Variants in SRPK2 observed in about 807,000 individuals in gnomAD.
The protein encoded by SRPK2 is SRSF protein kinase 2.
SRPK2 carries 21 observed loss-of-function variants against 90.8 expected under a neutral mutation model. The ratio of observed to expected loss-of-function variants is 0.23; its 90% confidence interval spans 0.16 to 0.33. The LOEUF (loss-of-function observed/expected upper bound fraction) is 0.33. Among genes scored for constraint, SRPK2 ranks in the 10% least tolerant of loss-of-function variants. The pLI is 1.00. For synonymous variants in SRPK2, 288 were observed against 311.1 expected, an observed-to-expected ratio of 0.93 and a Z score of 0.78; for missense variants, 620 against 869.0, an observed-to-expected ratio of 0.71 and a Z score of 3.60.
chr7:105,384,506 A>G (rs1821309295), intron 2 of SRPK2, among the ~76,000 whole-genome samples: 1 of 152,234 alleles, frequency 6.6e-6, no homozygotes. Flanking sequence ...AAAGTAGATA[A>G]TGACAAAAGT....
chr7:105,255,253 T>C lies in SRPK2; in HGVS notation c.72-51468A>G, dbSNP rs141546522. ...AGAGCAATGTTAATTATTTCCTTAGTATGGCTGTCAAGAAGCTTAAAGCCA... is the reference window on the plus strand; with the variant it reads ...AGAGCAATGTTAATTATTTCCTTAGCATGGCTGTCAAGAAGCTTAAAGCCA... On this transcript the variant is annotated intron_variant, in intron 2 of 15. Transcript: ENST00000393651. 2.3e-3 allele frequency among the ~76,000 whole-genome samples: 347 copies of C among 151,818 alleles called. 1 individual carries two copies. The highest frequency in any genetic ancestry group is 8.1e-3 in the African/African-American group (334 of 41,490).
At chr7:105,235,529 T>C (rs1056222385) in intron 2 of SRPK2, among the ~76,000 whole-genome samples, 2 of 152,096 alleles carry the variant, frequency 1.3e-5, no homozygotes, top group African/African-American at 4.8e-5. Context: ...AAGGAAGTGT[T>C]CCCCAAGTCA....
intron 3 of SRPK2, among the ~76,000 whole-genome samples, chr7:105,173,794 G>A (rs28735611): frequency 0.02 from 3,000 of 152,254 alleles, 111 homozygotes; most frequent in African/African-American, 0.069. Flanking sequence ...ATTAGGCAGG[G>A]TGCCAGAAAG....
chr7:105,132,603 C>T (rs1024585314), intron 13 of SRPK2, among the ~76,000 whole-genome samples, 188 bp downstream of exon 13: 10 of 152,308 alleles, frequency 6.6e-5, no homozygotes, highest in South Asian at 4.1e-4. Context: ...ACCCAGGGCC[C>T]GCCTGAGGAG....
chr7:105,265,859 G>T (rs1208311877), intron 2 of SRPK2, among the ~76,000 whole-genome samples: 1 of 147,596 alleles, frequency 6.8e-6, no homozygotes, highest in Non-Finnish European at 1.5e-5. Flanking sequence ...TCATCATTAG[G>T]CATTTTTTTT....
chr7:105,126,749 G>A (rs1427808207), intron 14 of SRPK2, among the ~76,000 whole-genome samples: 1 of 152,204 alleles, frequency 6.6e-6, no homozygotes, highest in African/African-American at 2.4e-5. Context: ...CCTGCCCTGT[G>A]CAAGGCCAGG....
chr7:105,323,967 TTGTGTGTGTGTGTGTGTG>T (rs58288208), intron 2 of SRPK2, among the ~76,000 whole-genome samples: 1,530 of 133,870 alleles, frequency 0.011, 16 homozygotes, highest in African/African-American at 0.024. Flanking sequence ...AGACTATTCT[TTGTGTGTGTGTGTGTGTG>T]TGTGTGTGTG....
At chr7:105,236,316 A>G (rs993521718) in intron 2 of SRPK2, among the ~76,000 whole-genome samples, 1 of 152,236 alleles carries the variant, frequency 6.6e-6, no homozygotes, top group African/African-American at 2.4e-5. Context: ...GTGTTTTCAC[A>G]TAACATATTT....
In SRPK2 at chr7:105,130,463, T is replaced by C. The variant is rs371521881; in HGVS notation, c.1752+2328A>G. Among the ~76,000 whole-genome samples, 36 of 151,978 alleles carry C rather than the reference T, an allele frequency of 2.4e-4. No homozygotes were observed. The East Asian group carries it at 5.8e-3, about 25-fold the overall frequency. On this transcript the variant is annotated intron_variant, in intron 13 of 15. Transcript: ENST00000393651. ...TACACCAGAGGCTGAGGTGGGAGGATCACTTGAGCTTGGGAAGTGGAGTCT... is the reference window on the plus strand; with the variant it reads ...TACACCAGAGGCTGAGGTGGGAGGACCACTTGAGCTTGGGAAGTGGAGTCT...
intron 2 of SRPK2, among the ~76,000 whole-genome samples, chr7:105,279,535 A>T (rs1806986133): frequency 6.6e-6 from 1 of 152,152 alleles, no homozygotes; most frequent in South Asian, 2.1e-4. Context: ...AAGCAAGAAG[A>T]CAGAGAGGAA....
At chr7:105,318,309 G>A (rs1812540512) in intron 2 of SRPK2, among the ~76,000 whole-genome samples, 1 of 151,724 alleles carries the variant, frequency 6.6e-6, no homozygotes, top group Admixed American at 6.6e-5. Flanking sequence ...TGGCCAGGCT[G>A]GTCTCGAACT....
At chr7:105,346,212 G>A (rs1816438613) in intron 2 of SRPK2, among the ~76,000 whole-genome samples, 1 of 152,124 alleles carries the variant, frequency 6.6e-6, no homozygotes, top group African/African-American at 2.4e-5. Flanking sequence ...ATTCCTGGAG[G>A]TAAGTATTTC....
intron 2 of SRPK2, among the ~76,000 whole-genome samples, chr7:105,263,488 T>C (rs866652282): frequency 1.8e-4 from 28 of 152,272 alleles, no homozygotes; most frequent in African/African-American, 6.0e-4. Context: ...ACAATATGGA[T>C]GAACCTCACA....
chr7:105,391,642 T>C (rs893220333), upstream of SRPK2, among the ~76,000 whole-genome samples: 6 of 152,082 alleles, frequency 3.9e-5, no homozygotes, highest in South Asian at 2.1e-4. Context: ...ACCACTGCAC[T>C]CCAGCCTGGG....
At chr7:105,143,567 T>C in intron 9 of SRPK2, 2 of 540,624 alleles carry the variant, frequency 3.7e-6, no homozygotes, top group East Asian at 3.2e-5. Context: ...CAGAGGGATA[T>C]AGCTTAAATC....
intron 2 of SRPK2, among the ~76,000 whole-genome samples, chr7:105,283,056 T>C (rs1454488350): frequency 6.6e-6 from 1 of 152,160 alleles, no homozygotes; most frequent in South Asian, 2.1e-4. Context: ...TCCACATCAT[T>C]TGTCATCACA....
At chr7:105,306,597 A>C (rs1425624745) in intron 2 of SRPK2, 2 of 417,544 alleles carry the variant, frequency 4.8e-6, no homozygotes. Context: ...ACAGTCATGA[A>C]GAAAAAACAT....
chr7:105,271,613 C>G (rs1805842561), intron 2 of SRPK2, among the ~76,000 whole-genome samples: 1 of 152,144 alleles, frequency 6.6e-6, no homozygotes. Context: ...CAACACCTGC[C>G]ATAATCGGGG....
chr7:105,140,094 C>T (rs979456512), intron 11 of SRPK2, among the ~76,000 whole-genome samples: 1 of 151,978 alleles, frequency 6.6e-6, no homozygotes, highest in Non-Finnish European at 1.5e-5. Context: ...AGTTGTTATA[C>T]TGTATTGTTT....
Sources: gnomAD v4.1 joint callset for allele counts (sites outside exome capture counted in the v4.1 genomes callset) on GRCh38, gnomAD v4.1.1 for gene constraint, MANE v1.5 for transcripts, NCBI Gene and HGNC (gene_info 2026-07-23, HGNC 2026-07-21) for gene names.